Variants in FBXO25 observed in about 807,000 individuals in gnomAD.
The protein encoded by FBXO25 is F-box only protein 25.
Under a neutral mutation model 51.9 loss-of-function variants are expected in FBXO25, and 45 were observed. The ratio of observed to expected loss-of-function variants is 0.87; its 90% CI spans 0.68 to 1.11. The LOEUF is 1.11. Among genes scored for constraint, FBXO25 ranks in the 50% most tolerant of loss-of-function variants. The pLI, the probability that FBXO25 is intolerant of heterozygous loss-of-function variation, is 0.00. For missense variants in FBXO25, 507 were observed against 428.5 expected (o/e 1.18, Z -1.62); for synonymous variants, 199 against 151.0 (o/e 1.32, Z -2.33).
At chr8:450,648 T>C (rs999168322) in intron 6 of FBXO25, 9 of 152,166 alleles carry the variant, frequency 5.9e-5, no homozygotes, top group African/African-American at 2.2e-4. Flanking sequence ...CAACTGAAAA[T>C]TTATCAGATA....
intron 8 of FBXO25, 106 bp from the exon 9 acceptor site, chr8:462,901 T>G (rs1386283292): frequency 3.0e-6 from 4 of 1,342,968 alleles, no homozygotes; most frequent in African/African-American, 3.0e-5. Context: ...TATTGAAGTT[T>G]AAAAAAAGAA....
rs963238013 is a variant in FBXO25, at chr8:473,128, C to G, written c.*4324C>G. On this transcript the variant is annotated 3_prime_UTR_variant, in exon 10 of 10. Transcript: ENST00000350302. Reference sequence around the variant, plus strand: ...CAGAATTGCTGCTTCTGTCTTCACTCAAGCCCCACTCCTTATCCCTTCCTG... The same window carrying G: ...CAGAATTGCTGCTTCTGTCTTCACTGAAGCCCCACTCCTTATCCCTTCCTG... 2.0e-5 allele frequency: 3 copies of G among 152,380 alleles called. No homozygotes were observed. Among genetic ancestry groups the G allele is most frequent in the African/African-American group, 7.2e-5 (3 of 41,468 alleles). 9.4% of individuals were successfully genotyped at this position (152,380 alleles called of 1,614,324 possible). A position where few individuals can be genotyped will look rare whatever the true frequency, so the allele number is the denominator to read the frequency against.
In FBXO25 at chr8:476,128, T is replaced by C. The variant is rs946985600; in HGVS notation, c.*7324T>C. 2.0e-5 allele frequency: 3 copies of C among 149,224 alleles called. No homozygotes were observed. The highest frequency in any genetic ancestry group is 4.4e-5 in the Non-Finnish European group (3 of 67,990). 9.2% of individuals were successfully genotyped at this position (149,224 alleles called of 1,614,324 possible). A position where few individuals can be genotyped will look rare whatever the true frequency, so the allele number is the denominator to read the frequency against. On this transcript the variant is annotated 3_prime_UTR_variant, in exon 10 of 10. Coordinates refer to ENST00000350302, the MANE Select transcript of FBXO25 (RefSeq NM_183420.2). The stretch of plus-strand genomic sequence containing the variant: ...TTTTTCTCCATCAATGGAGATCACA[T>C]TTTTTTCCTTCATTCTATTAATGTA...
At chr8:414,641 C>G (rs952744748) in intron 2 of FBXO25, among the ~76,000 whole-genome samples, 1 of 151,934 alleles carries the variant, frequency 6.6e-6, no homozygotes, top group Non-Finnish European at 1.5e-5. Context: ...AGAATACAGT[C>G]GAGATATGTT....
intron 2 of FBXO25, among the ~76,000 whole-genome samples, chr8:416,211 G>A (rs1267907315): frequency 6.6e-6 from 1 of 152,168 alleles, no homozygotes; most frequent in Non-Finnish European, 1.5e-5. Context: ...TGCTTGGTTG[G>A]CCTGCTCTAC....
At chr8:410,962 C>A (rs889696064) in intron 1 of FBXO25, among the ~76,000 whole-genome samples, 3 of 152,052 alleles carry the variant, frequency 2.0e-5, no homozygotes, top group Admixed American at 6.5e-5. Context: ...TATGTAATTT[C>A]CTTCCTTTTT....
At chr8:419,532 G>A (rs1178845922) in intron 2 of FBXO25, among the ~76,000 whole-genome samples, 1 of 152,194 alleles carries the variant, frequency 6.6e-6, no homozygotes, top group Non-Finnish European at 1.5e-5. Context: ...TGACAGTGGT[G>A]TAAAGGCACC....
At position 468,985 on chromosome 8, in the gene FBXO25, G is replaced by C. The variant is rs1169613913; in HGVS notation, c.*181G>C. 1.8e-6 allele frequency: 1 copy of C among 566,386 alleles called. No homozygotes were observed. Among genetic ancestry groups the C allele is most frequent in the East Asian group, 3.1e-5 (1 of 32,546 alleles). The allele number at this position is 566,386 out of a possible 1,614,324, so 35.1% of individuals were successfully genotyped here. ...GTTGCATTTTCATCACTGAAAGTCA[G>C]AGGCCAAGGAAATCATTTCTACTTC... is the stretch of plus-strand genomic sequence containing the variant. On this transcript the variant is annotated 3_prime_UTR_variant, in exon 10 of 10. Transcript: ENST00000350302.
At chr8:464,042 T>A (rs532059694) in intron 9 of FBXO25, among the ~76,000 whole-genome samples, 1 of 152,292 alleles carries the variant, frequency 6.6e-6, no homozygotes, top group South Asian at 2.1e-4. Context: ...CAATTATGGC[T>A]CACTTCAGCC....
intron 5 of FBXO25, among the ~76,000 whole-genome samples, chr8:446,818 T>A (rs1798764364): frequency 6.6e-6 from 1 of 152,160 alleles, no homozygotes; most frequent in African/African-American, 2.4e-5. Flanking sequence ...CCCCAAAGAT[T>A]ATCATGTAAT....
intron 2 of FBXO25, among the ~76,000 whole-genome samples, chr8:417,645 T>C (rs1796890189): frequency 6.6e-6 from 1 of 152,234 alleles, no homozygotes; most frequent in South Asian, 2.1e-4. Flanking sequence ...CCTCTTTCCC[T>C]TTCCAGTGAG....
intron 5 of FBXO25, among the ~76,000 whole-genome samples, chr8:437,753 T>TG (rs1325516882): frequency 3.3e-4 from 50 of 151,828 alleles, no homozygotes; most frequent in South Asian, 1.0e-3. Flanking sequence ...TTTTTTTTTT[T>TG]TTACTTTATC....
chr8:425,086 C>G (rs1180189964), intron 2 of FBXO25, among the ~76,000 whole-genome samples: 2 of 151,876 alleles, frequency 1.3e-5, no homozygotes, highest in Non-Finnish European at 2.9e-5. Flanking sequence ...GTGACCACAC[C>G]CGGGTCAAGG....
chr8:454,906 AAAAG>A lies in FBXO25; in HGVS notation c.660+3457_661-3456del, dbSNP rs1322638960. Among the ~76,000 whole-genome samples, 4 of 142,284 alleles carry A rather than the reference AAAAG, an allele frequency of 2.8e-5. No homozygotes were observed. The South Asian group carries it at 6.5e-4, about 23-fold the overall frequency. 93.3% of individuals were successfully genotyped at this position (142,284 alleles called of 152,430 possible). ...ACTCCATCTCAAAAAAAGAAAAAGA[AAAAG>A]AAAACAAAGAATGAGGGGAGAGTAT... is the stretch of plus-strand genomic sequence containing the variant. On this transcript the variant is annotated intron_variant, in intron 7 of 9. Transcript: ENST00000350302.
intron 5 of FBXO25, among the ~76,000 whole-genome samples, chr8:444,648 A>C (rs1301473096): frequency 6.6e-6 from 1 of 152,118 alleles, no homozygotes; most frequent in Admixed American, 6.5e-5. Flanking sequence ...GAATTGTCAG[A>C]TTTGAGGAGA....
chr8:448,820 T>A (rs1798894714), intron 5 of FBXO25, among the ~76,000 whole-genome samples: 1 of 152,192 alleles, frequency 6.6e-6, no homozygotes, highest in African/African-American at 2.4e-5. Flanking sequence ...GAATGGCAGT[T>A]TTATCACAAT....
At chr8:412,880 C>G (rs1677680493) in intron 1 of FBXO25, among the ~76,000 whole-genome samples, 193 bp from the exon 2 acceptor site, 1 of 152,178 alleles carries the variant, frequency 6.6e-6, no homozygotes, top group African/African-American at 2.4e-5. Flanking sequence ...ACCACGTTTA[C>G]TTACCCCATT....
At chr8:439,887 G>A (rs530133116) in intron 5 of FBXO25, among the ~76,000 whole-genome samples, 70 of 152,332 alleles carry the variant, frequency 4.6e-4, no homozygotes, top group African/African-American at 1.7e-3. Flanking sequence ...GGGCAACATA[G>A]GGAGACCCTG....
Position 468,808 on chromosome 8 carries a change from C to G in FBXO25, c.*4C>G. The G allele has an allele frequency of 1.2e-6, 2 of 1,613,468 alleles. No individual in the cohort carries two copies. Among genetic ancestry groups the G allele is most frequent in the African/African-American group, 1.3e-5 (1 of 75,022 alleles). On this transcript the variant is annotated 3_prime_UTR_variant, in exon 10 of 10. Transcript: ENST00000350302. Reference sequence around the variant, plus strand: ...CATCGACCTCTTCAAGTTTTAAGGGCTGCCCCTGCCATCCCTATTGGAGAT... The same window carrying G: ...CATCGACCTCTTCAAGTTTTAAGGGGTGCCCCTGCCATCCCTATTGGAGAT...
Sources: allele counts gnomAD v4.1 joint callset (sites outside exome capture counted in the v4.1 genomes callset), GRCh38; gene constraint gnomAD v4.1.1; transcripts MANE v1.5; gene names NCBI Gene and HGNC (gene_info 2026-07-23, HGNC 2026-07-21).